The following CAPRIN1 variants were observed in gnomAD, a reference collection of about 807,000 sequenced individuals.
CAPRIN1 encodes the protein caprin-1.
Under a neutral mutation model 100.9 loss-of-function variants are expected in CAPRIN1, and 29 were observed. That is an observed-to-expected ratio of 0.29 (90% CI 0.21 to 0.39). The LOEUF is 0.39. CAPRIN1 is among the 10% of genes least tolerant of loss of function. The pLI, the probability that CAPRIN1 is intolerant of heterozygous loss-of-function variation, is 1.00. For synonymous variants in CAPRIN1, 338 were observed against 307.5 expected, an observed-to-expected ratio of 1.10 and a Z score of -1.04; for missense variants, 795 against 876.7, an observed-to-expected ratio of 0.91 and a Z score of 1.18.
At chr11:34,060,195 CAAA>C (rs1175800677) in intron 2 of CAPRIN1, among the ~76,000 whole-genome samples, 1 of 40,478 alleles carries the variant, frequency 2.5e-5, no homozygotes, top group African/African-American at 9.4e-5. Flanking sequence ...TACTCCATCT[CAAA>C]AAAAAAAAAA....
chr11:34,070,627 C>A (rs1329303982), intron 2 of CAPRIN1, among the ~76,000 whole-genome samples: 1 of 152,102 alleles, frequency 6.6e-6, no homozygotes, highest in Non-Finnish European at 1.5e-5. Flanking sequence ...ATCTCCTGAC[C>A]TCAAATGATC....
intron 9 of CAPRIN1, among the ~76,000 whole-genome samples, chr11:34,083,415 T>C (rs1469513365): frequency 6.6e-6 from 1 of 152,202 alleles, no homozygotes; most frequent in African/African-American, 2.4e-5. Flanking sequence ...GTCACCAGGC[T>C]GTAGACTTCC....
Position 34,071,750 on chromosome 11 carries a change from C to T in CAPRIN1, c.241C>T (p.Arg81Ter). The change falls in exon 3 of 19, where the codon CGA (arginine) becomes TGA (stop). Residue 81 changes from arginine to a stop codon, truncating the protein, a stop_gained. Coordinates refer to ENST00000341394, the MANE Select transcript of CAPRIN1 (RefSeq NM_005898.5). LOFTEE classifies it high-confidence loss of function. Reference sequence around the variant, plus strand: ...GGGTAAGCTTGATGATTACCAGGAACGAATGAACAAAGGGGAAAGGCTTAA... The same window carrying T: ...GGGTAAGCTTGATGATTACCAGGAATGAATGAACAAAGGGGAAAGGCTTAA... Reference protein sequence around the residue: ...KKGKLDDYQERMNKGERLNQD... With the variant: ...KKGKLDDYQE 3 of 1,611,668 alleles carry T rather than the reference C, an allele frequency of 1.9e-6. No homozygotes were observed. The highest frequency in any genetic ancestry group is 1.7e-6 in the Non-Finnish European group (2 of 1,178,172).
intron 2 of CAPRIN1, among the ~76,000 whole-genome samples, chr11:34,068,057 G>A (rs1478307918): frequency 2.0e-5 from 3 of 152,184 alleles, no homozygotes; most frequent in Non-Finnish European, 2.9e-5. Flanking sequence ...GAGTTTTGAT[G>A]TTTCTGTTCG....
intron 9 of CAPRIN1, 111 bp from the exon 10 acceptor site, chr11:34,085,953 G>A (rs1003249817): frequency 1.1e-5 from 9 of 795,248 alleles, no homozygotes; most frequent in Admixed American, 2.8e-5. Context: ...ATTAAAGCCC[G>A]TTCTGTTTAT....
rs1269392981 is a variant in CAPRIN1, at chr11:34,052,585, G to A, written c.165G>A (p.Lys55=). Residue 55 remains lysine, a synonymous_variant, in exon 2 of 19, where the codon AAG becomes AAA. Coordinates refer to ENST00000341394, the MANE Select transcript of CAPRIN1 (RefSeq NM_005898.5). ...GTGAVQTEAM[K]QILGVIDKKL... ...GCGCTGTCCAGACCGAGGCCATGAA[G>A]CAGATTCTCGGGGTGATCGACAAGA... 1 of 1,611,174 alleles carries A rather than the reference G, an allele frequency of 6.2e-7. No homozygotes were observed. The highest frequency in any genetic ancestry group is 2.2e-5 in the East Asian group (1 of 44,814).
chr11:34,089,820 A>T (rs1239581381), intron 12 of CAPRIN1, among the ~76,000 whole-genome samples: 3 of 151,714 alleles, frequency 2.0e-5, no homozygotes, highest in Admixed American at 6.6e-5. Flanking sequence ...TAAGTCTTGC[A>T]TTTTAAATAA....
intron 2 of CAPRIN1, among the ~76,000 whole-genome samples, chr11:34,058,614 CTT>C (rs2134084986): frequency 6.6e-6 from 1 of 152,264 alleles, no homozygotes; most frequent in East Asian, 1.9e-4. Context: ...TATTATTAGA[CTT>C]TTATTAATGT....
intron 18 of CAPRIN1, 95 bp downstream of exon 18, chr11:34,097,856 A>T: frequency 6.3e-7 from 1 of 1,592,814 alleles, no homozygotes; most frequent in East Asian, 2.2e-5. Context: ...GAATACATTT[A>T]TCCTTTCCAG....
At chr11:34,071,318 C>G (rs540328124) in intron 2 of CAPRIN1, among the ~76,000 whole-genome samples, 8 of 152,192 alleles carry the variant, frequency 5.3e-5, no homozygotes, top group Non-Finnish European at 8.8e-5. Flanking sequence ...AATCCTAACA[C>G]TTGGGGAGGC....
At chr11:34,082,729 A>T (rs1402781105) in intron 7 of CAPRIN1, 96 bp from the exon 8 acceptor site, 1 of 825,116 alleles carries the variant, frequency 1.2e-6, no homozygotes, top group East Asian at 2.7e-5. Context: ...GTTTGGACAA[A>T]TGCATAATGA....
chr11:34,081,032 C>T (rs753357919), intron 7 of CAPRIN1, among the ~76,000 whole-genome samples: 1 of 152,068 alleles, frequency 6.6e-6, no homozygotes, highest in Non-Finnish European at 1.5e-5. Context: ...TCTTTATTTG[C>T]ATTATACATT....
chr11:34,086,527 CTT>C, intron 11 of CAPRIN1, 114 bp downstream of exon 11: 1 of 600,462 alleles, frequency 1.7e-6, no homozygotes, highest in South Asian at 2.4e-5. Flanking sequence ...AATTTTGACT[CTT>C]AGGTCTTTTA....
At position 34,101,270 on chromosome 11, in the gene CAPRIN1, A is replaced by G. The variant is rs1851449902; in HGVS notation, c.*1903A>G. 1 of 152,184 alleles carries G rather than the reference A, an allele frequency of 6.6e-6. No homozygotes were observed. The highest frequency in any genetic ancestry group is 2.1e-4 in the South Asian group (1 of 4,836). The allele number at this position is 152,184 out of a possible 1,614,324, so 9.4% of individuals were successfully genotyped here. On this transcript the variant is annotated 3_prime_UTR_variant, in exon 19 of 19. Coordinates refer to ENST00000341394, the MANE Select transcript of CAPRIN1 (RefSeq NM_005898.5). ...GTGCTTTAAATGACATCTGCCTGGGATGTACCACAACCATATGTTACCTGT... is the reference window on the plus strand; with the variant it reads ...GTGCTTTAAATGACATCTGCCTGGGGTGTACCACAACCATATGTTACCTGT...
chr11:34,071,579 A>C (rs1200080140), intron 2 of CAPRIN1, 147 bp from the exon 3 acceptor site: 2 of 597,196 alleles, frequency 3.3e-6, no homozygotes, highest in Admixed American at 3.2e-5. Flanking sequence ...AAAAAAATTT[A>C]TGTACTTAAA....
chr11:34,085,395 T>G (rs772698350), intron 9 of CAPRIN1, among the ~76,000 whole-genome samples: 1 of 152,226 alleles, frequency 6.6e-6, no homozygotes, highest in African/African-American at 2.4e-5. Flanking sequence ...GTGAGATAGA[T>G]ATATATTTGA....
intron 7 of CAPRIN1, among the ~76,000 whole-genome samples, chr11:34,081,203 A>G (rs1851021296): frequency 6.7e-6 from 1 of 149,994 alleles, no homozygotes; most frequent in Admixed American, 6.6e-5. Context: ...TTTAAGTTGA[A>G]TTCTTTTTTT....
chr11:34,056,071 C>T (rs1850443483), intron 2 of CAPRIN1, among the ~76,000 whole-genome samples: 1 of 152,116 alleles, frequency 6.6e-6, no homozygotes, highest in Non-Finnish European at 1.5e-5. Context: ...AATAGGATTG[C>T]TTTACAAATC....
intron 7 of CAPRIN1, among the ~76,000 whole-genome samples, chr11:34,081,833 A>G (rs1851037146): frequency 6.6e-6 from 1 of 151,862 alleles, no homozygotes; most frequent in African/African-American, 2.4e-5. Context: ...GACAGGGGGC[A>G]CTGAGTCTCA....
Sources: gnomAD v4.1 joint callset for allele counts (sites outside exome capture counted in the v4.1 genomes callset) on GRCh38, gnomAD v4.1.1 for gene constraint, MANE v1.5 for transcripts, NCBI Gene and HGNC (gene_info 2026-07-23, HGNC 2026-07-21) for gene names.